The following AMDHD1 variants were observed in gnomAD, a reference collection of about 807,000 sequenced individuals.
AMDHD1 encodes the protein probable imidazolonepropionase.
In AMDHD1, 45 loss-of-function variants were observed where a neutral mutation model predicts 44.1. The observed-to-expected ratio is 1.02, with a 90% CI of 0.80 to 1.31. AMDHD1 has a LOEUF of 1.31. Among genes scored for constraint, AMDHD1 ranks in the 50% most tolerant of loss-of-function variants. The pLI, the probability that AMDHD1 is intolerant of heterozygous loss-of-function variation, is 0.00. For missense variants in AMDHD1, 586 were observed against 552.1 expected (o/e 1.06, Z -0.61); for synonymous variants, 206 against 205.0 (o/e 1.00, Z -0.04).
intron 6 of AMDHD1, 47 bp from the exon 7 acceptor site, chr12:95,965,639 C>T: frequency 1.5e-6 from 2 of 1,348,398 alleles, no homozygotes; most frequent in Non-Finnish European, 2.1e-6. Context: ...AGCTATTCTA[C>T]AAAAGCTCCC....
chr12:95,956,813 GA>G lies in AMDHD1; in HGVS notation c.439del (p.Arg147GlyfsTer26). The G allele has an allele frequency of 6.2e-7, 1 of 1,614,244 alleles. No homozygotes were observed. ...SLQQRLQCMMRAGTTLVECKS... is the reference protein window; with the variant it reads ...SLQQRLQCMMXAGTTLVECKS... ...TGCAGCAACGGCTCCAGTGCATGAT[GA>G]GGGCTGGCACCACGCTGGTGGAGTG... On this transcript the variant is annotated frameshift_variant, in exon 4 of 9. Coordinates refer to ENST00000266736, the MANE Select transcript of AMDHD1 (RefSeq NM_152435.3). LOFTEE classifies it high-confidence loss of function.
rs1354131265 is a variant in AMDHD1 at position 95,952,721 on chromosome 12, G to A, written c.142G>A (p.Gly48Arg). ...EGASLVVGKD[G>R]FIKAIGPADV... ...TATTTCTTGATTTTTCTTCAGAGAT[G>A]GATTTATAAAAGCTATTGGTCCTGC... Residue 48 changes from glycine (G) to arginine (R), a missense_variant, in exon 2 of 9, where the codon GGA becomes AGA. Coordinates refer to ENST00000266736, the MANE Select transcript of AMDHD1 (RefSeq NM_152435.3). The A allele has an allele frequency of 1.9e-6, 3 of 1,596,568 alleles. No individual in the cohort carries two copies. Among genetic ancestry groups the A allele is most frequent in the South Asian group, 1.1e-5 (1 of 89,186 alleles).
At chr12:95,947,523 TG>T (rs1287136997) in intron 1 of AMDHD1, 21 of 65,312 alleles carry the variant, frequency 3.2e-4, no homozygotes, top group African/African-American at 1.4e-3. Flanking sequence ...GGGAGGGAGG[TG>T]GGGGGGGTCA....
chr12:95,947,731 A>G (rs1203740226), intron 1 of AMDHD1, among the ~76,000 whole-genome samples: 12 of 28,028 alleles, frequency 4.3e-4, no homozygotes, highest in Admixed American at 4.3e-4. Flanking sequence ...CAGCCCCCCC[A>G]CCCGGCCAGC....
At chr12:95,964,049 A>G (rs950781325) in intron 6 of AMDHD1, among the ~76,000 whole-genome samples, 1 of 151,760 alleles carries the variant, frequency 6.6e-6, no homozygotes, top group Non-Finnish European at 1.5e-5. Context: ...AAAAAAAAAA[A>G]AGGCCTTTCT....
At chr12:95,961,144 C>A (rs199814966) in intron 5 of AMDHD1, among the ~76,000 whole-genome samples, 72 of 129,630 alleles carry the variant, frequency 5.6e-4, no homozygotes, top group African/African-American at 7.6e-4. Context: ...GACTCCATCT[C>A]AAAAAAAAAA....
chr12:95,960,369 G>T, intron 4 of AMDHD1, 29 bp from the exon 5 acceptor site: 2 of 1,594,120 alleles, frequency 1.3e-6, no homozygotes, highest in South Asian at 1.1e-5. Flanking sequence ...TTTAATATTT[G>T]CCCATGGCAA....
chr12:95,962,244 A>G (rs1298543648), intron 5 of AMDHD1, 111 bp from the exon 6 acceptor site: 3 of 1,436,688 alleles, frequency 2.1e-6, no homozygotes, highest in Admixed American at 4.4e-5. Flanking sequence ...CAGCCTGGCT[A>G]CAGAGCAAGA....
chr12:95,962,713 G>A (rs1340326669), intron 6 of AMDHD1, among the ~76,000 whole-genome samples: 5 of 152,112 alleles, frequency 3.3e-5, no homozygotes, highest in Admixed American at 3.3e-4. Flanking sequence ...GAGGAAGATG[G>A]TGCTTTCTTT....
At chr12:95,952,078 T>C (rs190252012) in intron 1 of AMDHD1, among the ~76,000 whole-genome samples, 1 of 152,220 alleles carries the variant, frequency 6.6e-6, no homozygotes, top group African/African-American at 2.4e-5. Flanking sequence ...ACAGAAGGCT[T>C]TTACCTTGAA....
chr12:95,947,712 T>TGG (rs1311260981), intron 1 of AMDHD1, among the ~76,000 whole-genome samples: 1 of 42,692 alleles, frequency 2.3e-5, no homozygotes, highest in East Asian at 4.4e-3. Flanking sequence ...GGGAGGGAGA[T>TGG]GGGGGGGTCA....
In AMDHD1 at chr12:95,943,458, CCGCG is replaced by C; in HGVS notation, c.61_64del (p.Arg21AlafsTer29). 6.6e-7 allele frequency: 1 copy of C among 1,504,120 alleles called. No individual in the cohort carries two copies. Among genetic ancestry groups the C allele is most frequent in the Admixed American group, 2.1e-5 (1 of 48,202 alleles). 93.2% of individuals were successfully genotyped at this position (1,504,120 alleles called of 1,614,324 possible). A position where few individuals can be genotyped will look rare whatever the true frequency, so the allele number is the denominator to read the frequency against. ...CGCAGCAAGTGGTGCTGGTGTGCGC[CCGCG>C]GCGAGCGCTTCCTGGCGCGGGATGC... On this transcript the variant is annotated frameshift_variant, in exon 1 of 9. Coordinates refer to ENST00000266736, the MANE Select transcript of AMDHD1 (RefSeq NM_152435.3). LOFTEE classifies it high-confidence loss of function.
intron 5 of AMDHD1, among the ~76,000 whole-genome samples, chr12:95,962,025 T>C (rs1401860659): frequency 2.0e-5 from 3 of 152,170 alleles, no homozygotes; most frequent in East Asian, 1.9e-4. Flanking sequence ...CCTAGCACTT[T>C]TGGAGTCCGA....
intron 6 of AMDHD1, among the ~76,000 whole-genome samples, chr12:95,963,335 A>G (rs1308914089): frequency 6.6e-6 from 1 of 152,190 alleles, no homozygotes; most frequent in Non-Finnish European, 1.5e-5. Flanking sequence ...TGCTACTGGC[A>G]TCTAGTGGGT....
At chr12:95,944,107 C>A (rs368154860) in intron 1 of AMDHD1, among the ~76,000 whole-genome samples, 1 of 152,082 alleles carries the variant, frequency 6.6e-6, no homozygotes, top group Non-Finnish European at 1.5e-5. Context: ...CAAGATATTT[C>A]TCTTACTCAT....
At chr12:95,957,749 C>A (rs1024650389) in intron 4 of AMDHD1, among the ~76,000 whole-genome samples, 1 of 152,150 alleles carries the variant, frequency 6.6e-6, no homozygotes, top group Admixed American at 6.5e-5. Context: ...TTGTAAACTT[C>A]GGAATATAAA....
chr12:95,949,140 TAAAAAAAAAAAAAAAAAAAGAA>T lies in AMDHD1; in HGVS notation c.138-3560_138-3539del, dbSNP rs1188401102. ...AAGAATTATCAATAAAAAAATAAAT[TAAAAAAAAAAAAAAAAAAAGAA>T]AAAAAAAAAAAAAAAAGAGACTGCA... On this transcript the variant is annotated intron_variant, in intron 1 of 8. Coordinates refer to ENST00000266736, the MANE Select transcript of AMDHD1 (RefSeq NM_152435.3). 6.7e-4 allele frequency among the ~76,000 whole-genome samples: 3 copies of T among 4,460 alleles called. 1 individual carries two copies. Among genetic ancestry groups the T allele is most frequent in the Non-Finnish European group, 9.5e-4 (3 of 3,160 alleles). 2.9% of individuals were successfully genotyped at this position (4,460 alleles called of 152,430 possible). A position where few individuals can be genotyped will look rare whatever the true frequency, so the allele number is the denominator to read the frequency against.
In AMDHD1 at chr12:95,952,656, C is replaced by T. The variant is rs1246628541; in HGVS notation, c.138-61C>T. 3.9e-6 allele frequency: 4 copies of T among 1,025,854 alleles called. No homozygotes were observed. In the African/African-American group the frequency reaches 6.4e-5, roughly 16 times the overall value. The allele number at this position is 1,025,854 out of a possible 1,614,324, so 63.5% of individuals were successfully genotyped here. A position where few individuals can be genotyped will look rare whatever the true frequency, so the allele number is the denominator to read the frequency against. ...GAATCTGAAAACATATTTTAAGTCACTCATCAGATTTCTCACAAGATTTCC... is the reference window on the plus strand; with the variant it reads ...GAATCTGAAAACATATTTTAAGTCATTCATCAGATTTCTCACAAGATTTCC... On this transcript the variant is annotated intron_variant, in intron 1 of 8. Transcript: ENST00000266736.
chr12:95,961,818 T>C lies in AMDHD1; in HGVS notation c.814-537T>C, dbSNP rs532822413. Among the ~76,000 whole-genome samples, 5 of 152,394 alleles carry C rather than the reference T, an allele frequency of 3.3e-5. No homozygotes were observed. The South Asian group carries it at 1.0e-3, about 32-fold the overall frequency. ...AAAGTTTTCTGTTTCAGAAAATGTCTGAAGGATTTGTGTTTAAGAATAGTT... is the reference window on the plus strand; with the variant it reads ...AAAGTTTTCTGTTTCAGAAAATGTCCGAAGGATTTGTGTTTAAGAATAGTT... On this transcript the variant is annotated intron_variant, in intron 5 of 8. Coordinates refer to ENST00000266736, the MANE Select transcript of AMDHD1 (RefSeq NM_152435.3).
Sources: allele counts gnomAD v4.1 joint callset (sites outside exome capture counted in the v4.1 genomes callset), GRCh38; gene constraint gnomAD v4.1.1; transcripts MANE v1.5; gene names NCBI Gene and HGNC (gene_info 2026-07-23, HGNC 2026-07-21).